Variants in LOC400499 observed in about 807,000 individuals in gnomAD.
chr16:11,380,455 C>T, the LOC400499 span, among the ~76,000 whole-genome samples: 35 of 152,048 alleles, frequency 2.3e-4, no homozygotes, highest in African/African-American at 8.5e-4. Context: ...TGGCGCATGC[C>T]TGTAATCCCA....
the LOC400499 span, among the ~76,000 whole-genome samples, chr16:11,415,261 C>T: frequency 6.6e-6 from 1 of 152,180 alleles, no homozygotes. Flanking sequence ...TACAGAGAAA[C>T]TCATCGGGTC....
At chr16:11,400,576 G>A in the LOC400499 span, among the ~76,000 whole-genome samples, 2 of 152,100 alleles carry the variant, frequency 1.3e-5, no homozygotes, top group African/African-American at 4.8e-5. Context: ...AAGCAGTTGG[G>A]ATTGCAGGCA....
At chr16:11,391,132 G>A in the LOC400499 span, among the ~76,000 whole-genome samples, 33 of 152,384 alleles carry the variant, frequency 2.2e-4, no homozygotes, top group Middle Eastern at 3.4e-3. Context: ...AGGGAGGATC[G>A]GGAGGTAACA....
At chr16:11,417,066 C>T in the LOC400499 span, among the ~76,000 whole-genome samples, 1 of 152,122 alleles carries the variant, frequency 6.6e-6, no homozygotes. Context: ...TATCTTCCCA[C>T]CATAATGGGT....
At chr16:11,419,499 TAGA>T in the LOC400499 span, among the ~76,000 whole-genome samples, 1 of 152,036 alleles carries the variant, frequency 6.6e-6, no homozygotes, top group African/African-American at 2.4e-5. Flanking sequence ...ATAAAAACCC[TAGA>T]AGAAAACCTA....
chr16:11,377,768 G>A, the LOC400499 span, among the ~76,000 whole-genome samples: 1 of 152,140 alleles, frequency 6.6e-6, no homozygotes, highest in Non-Finnish European at 1.5e-5. Flanking sequence ...ATTTTCCTCT[G>A]GTGCTTTGTC....
At chr16:11,442,862 C>G in the LOC400499 span, among the ~76,000 whole-genome samples, 7 of 152,148 alleles carry the variant, frequency 4.6e-5, no homozygotes, top group African/African-American at 1.7e-4. Context: ...AGGCTGTCAT[C>G]CTGCCATTTG....
chr16:11,398,774 C>T, the LOC400499 span, among the ~76,000 whole-genome samples: 180 of 152,238 alleles, frequency 1.2e-3, 1 homozygote, highest in African/African-American at 3.9e-3. Flanking sequence ...ATTCTCCCAC[C>T]TCAGCCTCCC....
At chr16:11,405,495 G>C in the LOC400499 span, among the ~76,000 whole-genome samples, 39 of 152,320 alleles carry the variant, frequency 2.6e-4, 1 homozygote, top group Admixed American at 2.4e-3. Context: ...AGCAAGCTTG[G>C]GGAGGAGGCA....
the LOC400499 span, among the ~76,000 whole-genome samples, chr16:11,382,061 AT>A: frequency 6.6e-6 from 1 of 151,554 alleles, no homozygotes; most frequent in South Asian, 2.1e-4. Context: ...CTCAGCCTTC[AT>A]AGTTGCTGGG....
chr16:11,394,903 C>G, the LOC400499 span, among the ~76,000 whole-genome samples: 1 of 152,224 alleles, frequency 6.6e-6, no homozygotes, highest in Admixed American at 6.5e-5. Flanking sequence ...GACACCATAC[C>G]TGTCTGTTGC....
chr16:11,392,826 C>T, the LOC400499 span: 8 of 981,206 alleles, frequency 8.2e-6, no homozygotes. Context: ...ACACATCACC[C>T]CCTACCCCAC....
At chr16:11,389,411 G>A in the LOC400499 span, among the ~76,000 whole-genome samples, 27 of 152,324 alleles carry the variant, frequency 1.8e-4, no homozygotes, top group African/African-American at 6.0e-4. Flanking sequence ...GCCAGGTGCA[G>A]TGGCTCATGC....
the LOC400499 span, chr16:11,448,176 AC>A: frequency 1.5e-6 from 2 of 1,367,946 alleles, no homozygotes; most frequent in Non-Finnish European, 9.7e-7. Context: ...CCTGCCCATC[AC>A]CCCCAGAAAT....
the LOC400499 span, among the ~76,000 whole-genome samples, chr16:11,406,616 G>C: frequency 6.6e-6 from 1 of 152,194 alleles, no homozygotes; most frequent in Admixed American, 6.5e-5. Flanking sequence ...ATTTTTAGTA[G>C]AGACGGGGTT....
chr16:11,374,021 T>C, the LOC400499 span, among the ~76,000 whole-genome samples: 2 of 152,182 alleles, frequency 1.3e-5, no homozygotes, highest in Non-Finnish European at 2.9e-5. Flanking sequence ...CTGGTTCTTT[T>C]TCAGATATAT....
the LOC400499 span, among the ~76,000 whole-genome samples, chr16:11,527,156 A>C: frequency 5.3e-5 from 8 of 152,180 alleles, no homozygotes; most frequent in Non-Finnish European, 1.2e-4. Context: ...CAGACCGAGG[A>C]GTCCCACGGG....
chr16:11,513,372 C>T, the LOC400499 span, among the ~76,000 whole-genome samples: 3 of 147,286 alleles, frequency 2.0e-5, no homozygotes, highest in Non-Finnish European at 4.4e-5. Flanking sequence ...GACCACTGCT[C>T]TCCAGCCTGG....
chr16:11,379,542 T>C, the LOC400499 span, among the ~76,000 whole-genome samples: 1 of 152,236 alleles, frequency 6.6e-6, no homozygotes. Flanking sequence ...TGGAATTCAT[T>C]TGTATTTTTA....
Sources: allele counts gnomAD v4.1 joint callset (sites outside exome capture counted in the v4.1 genomes callset), GRCh38; gene constraint gnomAD v4.1.1; transcripts MANE v1.5.